TESK2: variants seen among roughly 807,000 people sequenced by gnomAD.
The protein encoded by TESK2 is dual specificity testis-specific protein kinase 2.
Under a neutral mutation model 57.1 loss-of-function variants are expected in TESK2, and 39 were observed. The ratio of observed to expected loss-of-function variants is 0.68; its 90% CI spans 0.53 to 0.89. TESK2 has a LOEUF of 0.89. TESK2 is among the 40% of genes least tolerant of loss of function. The probability of loss-of-function intolerance (pLI) is 0.00; values close to 1 mark genes in which losing one functional copy is unlikely to be tolerated. For missense variants in TESK2, 646 were observed against 732.1 expected (o/e 0.88, Z 1.36); for synonymous variants, 249 against 267.9 (o/e 0.93, Z 0.69).
rs1490677705 is a variant in TESK2 at position 45,347,729 on chromosome 1, A to G, written c.624-36T>C. 3.1e-6 allele frequency: 5 copies of G among 1,604,512 alleles called. No homozygotes were observed. The Admixed American group carries it at 6.7e-5, about 21-fold the overall frequency. On this transcript the variant is annotated intron_variant, in intron 6 of 10. Transcript: ENST00000372086. ...AGATTATACAGAAAATGAGCTTGCCAATGGCTGGTGCAATGGAATCTTTTG... is the reference window on the plus strand; with the variant it reads ...AGATTATACAGAAAATGAGCTTGCCGATGGCTGGTGCAATGGAATCTTTTG...
intron 2 of TESK2, among the ~76,000 whole-genome samples, chr1:45,422,707 A>G (rs899675173): frequency 6.7e-6 from 1 of 148,982 alleles, no homozygotes; most frequent in Non-Finnish European, 1.5e-5. Context: ...GCCTCCCAAA[A>G]TGCTGGGATT....
At chr1:45,419,801 C>T (rs538537714) in intron 3 of TESK2, among the ~76,000 whole-genome samples, 4 of 151,330 alleles carry the variant, frequency 2.6e-5, no homozygotes, top group East Asian at 1.9e-4. Context: ...AGTGAAACTC[C>T]GTCTCAAAAA....
At chr1:45,486,779 G>GCACACACACACACA (rs1557592851) in intron 1 of TESK2, among the ~76,000 whole-genome samples, 2 of 38,324 alleles carry the variant, frequency 5.2e-5, no homozygotes, top group South Asian at 8.9e-4. Flanking sequence ...TAGCCTCCCA[G>GCACACACACACACA]CATACACACA....
At chr1:45,449,347 T>C (rs1008128076) in intron 2 of TESK2, among the ~76,000 whole-genome samples, 2 of 152,110 alleles carry the variant, frequency 1.3e-5, no homozygotes, top group Admixed American at 6.6e-5. Flanking sequence ...CTCTGTGATA[T>C]TTATCCAAAT....
chr1:45,436,037 T>C (rs992689003), intron 2 of TESK2, among the ~76,000 whole-genome samples: 6 of 152,034 alleles, frequency 3.9e-5, no homozygotes, highest in Non-Finnish European at 7.4e-5. Context: ...AGCCTTGTAA[T>C]ATATATTGAA....
chr1:45,395,609 CTTT>C (rs201678906), intron 3 of TESK2, among the ~76,000 whole-genome samples: 12 of 132,522 alleles, frequency 9.1e-5, no homozygotes, highest in Non-Finnish European at 9.4e-5. Context: ...CTTTTCTTTT[CTTT>C]TTTTTTTTTT....
chr1:45,457,484 T>C, intron 2 of TESK2, 80 bp downstream of exon 2: 5 of 1,322,192 alleles, frequency 3.8e-6, no homozygotes, highest in Non-Finnish European at 5.4e-6. Flanking sequence ...AAATCCTACA[T>C]CCTAATTAAA....
intron 3 of TESK2, among the ~76,000 whole-genome samples, chr1:45,392,088 T>C (rs967518280): frequency 6.6e-6 from 1 of 152,122 alleles, no homozygotes; most frequent in African/African-American, 2.4e-5. Context: ...TATTGATTGA[T>C]TGATTGATTG....
chr1:45,357,120 C>T (rs569375259), intron 4 of TESK2, among the ~76,000 whole-genome samples: 4 of 151,586 alleles, frequency 2.6e-5, no homozygotes, highest in Non-Finnish European at 4.4e-5. Context: ...CACTTGAACC[C>T]GGGAGGCAGA....
intron 2 of TESK2, among the ~76,000 whole-genome samples, chr1:45,440,432 G>A (rs1438462867): frequency 6.6e-6 from 1 of 152,062 alleles, no homozygotes; most frequent in East Asian, 1.9e-4. Context: ...TGGGGCCAGG[G>A]GCTGGGCGCG....
chr1:45,346,630 C>A, intron 9 of TESK2, 63 bp downstream of exon 9: 2 of 1,425,448 alleles, frequency 1.4e-6, no homozygotes, highest in South Asian at 1.2e-5. Context: ...TCTGTACAGT[C>A]CTAACCAGGT....
At chr1:45,418,192 A>G (rs1650326789) in intron 3 of TESK2, among the ~76,000 whole-genome samples, 1 of 152,228 alleles carries the variant, frequency 6.6e-6, no homozygotes, top group Non-Finnish European at 1.5e-5. Context: ...GCAATTATGT[A>G]TCACTTCTGT....
chr1:45,480,727 C>T (rs1260692382), intron 1 of TESK2, among the ~76,000 whole-genome samples: 2 of 151,602 alleles, frequency 1.3e-5, no homozygotes, highest in East Asian at 3.8e-4. Flanking sequence ...GTGGCTCACA[C>T]TTGTAATCCC....
At chr1:45,416,190 C>T (rs1331100991) in intron 3 of TESK2, among the ~76,000 whole-genome samples, 1 of 148,080 alleles carries the variant, frequency 6.8e-6, no homozygotes, top group Non-Finnish European at 1.5e-5. Context: ...TCAAGCCATC[C>T]TCCCACCTCA....
At position 45,399,140 on chromosome 1, in the gene TESK2, ATTTTTTTTTT is replaced by A. The variant is rs753087306; in HGVS notation, c.345-13190_345-13181del. ...TCATTGAACTTAAATAAAAGTTGAA[ATTTTTTTTTT>A]TTTTTTTTTTTTTTTTGAGACAAGG... On this transcript the variant is annotated intron_variant, in intron 3 of 10. Transcript: ENST00000372086. Among the ~76,000 whole-genome samples, 3 of 99,720 alleles carry A rather than the reference ATTTTTTTTTT, an allele frequency of 3.0e-5. No homozygotes were observed. In the East Asian group the frequency reaches 8.7e-4, roughly 29 times the overall value. The allele number at this position is 99,720 out of a possible 152,430, so 65.4% of individuals were successfully genotyped here.
At chr1:45,398,350 T>C (rs1458902085) in intron 3 of TESK2, among the ~76,000 whole-genome samples, 1 of 152,090 alleles carries the variant, frequency 6.6e-6, no homozygotes. Context: ...AAGACCAGCC[T>C]GGCCAACATG....
chr1:45,344,785 C>A lies in TESK2; in HGVS notation c.*55G>T. 1 of 1,478,906 alleles carries A rather than the reference C, an allele frequency of 6.8e-7. No individual in the cohort carries two copies. The highest frequency in any genetic ancestry group is 9.3e-7 in the Non-Finnish European group (1 of 1,077,872). 91.6% of individuals were successfully genotyped at this position (1,478,906 alleles called of 1,614,324 possible). A position where few individuals can be genotyped will look rare whatever the true frequency, so the allele number is the denominator to read the frequency against. ...GAATCAAGGCTGTGCACCTAGGGGG[C>A]CATATGGTTTCAGCTGAAGGTCCAT... On this transcript the variant is annotated 3_prime_UTR_variant, in exon 11 of 11. Transcript: ENST00000372086.
intron 4 of TESK2, among the ~76,000 whole-genome samples, chr1:45,373,475 A>C (rs1648285981): frequency 6.6e-6 from 1 of 152,226 alleles, no homozygotes; most frequent in Non-Finnish European, 1.5e-5. Flanking sequence ...ACTTGTGCCT[A>C]GTATTACAGA....
intron 3 of TESK2, among the ~76,000 whole-genome samples, chr1:45,390,578 GTT>G (rs35041752): frequency 7.0e-6 from 1 of 143,718 alleles, no homozygotes; most frequent in Non-Finnish European, 1.5e-5. Context: ...TGTTTCTAAG[GTT>G]TTTTTTTTTT....
Sources: gnomAD v4.1 joint callset for allele counts (sites outside exome capture counted in the v4.1 genomes callset) on GRCh38, gnomAD v4.1.1 for gene constraint, MANE v1.5 for transcripts, NCBI Gene and HGNC (gene_info 2026-07-23, HGNC 2026-07-21) for gene names.